DLGAP2: variants seen among roughly 807,000 people sequenced by gnomAD.
DLGAP2 encodes DLG associated protein 2, also known as disks large-associated protein 2.
In DLGAP2, 26 loss-of-function variants were observed where a neutral mutation model predicts 100.3. The ratio of observed to expected loss-of-function variants is 0.26; its 90% CI spans 0.19 to 0.36. The LOEUF is 0.36. DLGAP2 is among the 10% of genes least tolerant of loss of function. The pLI, the probability that DLGAP2 is intolerant of heterozygous loss-of-function variation, is 1.00. For missense variants in DLGAP2, 1,858 were observed against 1,453.2 expected (o/e 1.28, Z -4.53); for synonymous variants, 886 against 630.1 (o/e 1.41, Z -6.08).
chr8:1,458,014 A>ATAT (rs1491407935), intron 3 of DLGAP2, among the ~76,000 whole-genome samples: 6 of 113,618 alleles, frequency 5.3e-5, no homozygotes, highest in South Asian at 2.9e-4. Flanking sequence ...ATATATATAT[A>ATAT]ATTTTTTATA....
rs182992925 is a variant in DLGAP2 at position 1,514,424 on chromosome 8, T to C, written c.172+12993T>C. 4.6e-5 allele frequency among the ~76,000 whole-genome samples: 7 copies of C among 152,368 alleles called. No homozygotes were observed. In the East Asian group the frequency reaches 9.6e-4, roughly 21 times the overall value. The stretch of plus-strand genomic sequence containing the variant: ...ACGTTTTAAGCTCCACTTTTAAAAC[T>C]TAATGAAATTGTATAAAATTCAGCT... On this transcript the variant is annotated intron_variant, in intron 4 of 14. Coordinates refer to ENST00000637795, the MANE Select transcript of DLGAP2 (RefSeq NM_001346810.2).
At chr8:1,386,668 G>A (rs1029148761) in intron 3 of DLGAP2, among the ~76,000 whole-genome samples, 4 of 152,166 alleles carry the variant, frequency 2.6e-5, no homozygotes, top group African/African-American at 7.2e-5. Flanking sequence ...CCTGGACAGA[G>A]GAAGGTGCGG....
At chr8:1,026,827 C>T (rs933805662) in intron 2 of DLGAP2, among the ~76,000 whole-genome samples, 7 of 152,286 alleles carry the variant, frequency 4.6e-5, no homozygotes, top group Admixed American at 2.0e-4. Flanking sequence ...ATGAGATTAA[C>T]GACTTATATG....
chr8:958,440 G>A (rs1799645274), intron 2 of DLGAP2, among the ~76,000 whole-genome samples: 1 of 152,114 alleles, frequency 6.6e-6, no homozygotes, highest in Admixed American at 6.5e-5. Flanking sequence ...GAATTGCAGG[G>A]TCATATGGTG....
intron 3 of DLGAP2, among the ~76,000 whole-genome samples, chr8:1,264,453 TG>T (rs1799412351): frequency 6.6e-6 from 1 of 152,130 alleles, no homozygotes; most frequent in Non-Finnish European, 1.5e-5. Flanking sequence ...TCCAGGGCCA[TG>T]GATAGGATAT....
chr8:989,407 A>G (rs1000329086), intron 2 of DLGAP2, among the ~76,000 whole-genome samples: 2 of 152,094 alleles, frequency 1.3e-5, no homozygotes, highest in Admixed American at 6.6e-5. Flanking sequence ...CTTGCACCTG[A>G]ATCGGCCGCA....
chr8:1,129,102 T>A (rs1796233098), intron 2 of DLGAP2, among the ~76,000 whole-genome samples: 1 of 152,208 alleles, frequency 6.6e-6, no homozygotes, highest in South Asian at 2.1e-4. Flanking sequence ...GACATTGGAA[T>A]CACATTTTAA....
intron 1 of DLGAP2, among the ~76,000 whole-genome samples, chr8:900,424 C>T (rs1002479839): frequency 7.9e-5 from 12 of 152,242 alleles, no homozygotes; most frequent in Admixed American, 2.6e-4. Context: ...CCTGGAGCTC[C>T]GAGGCCCACA....
chr8:1,668,213 G>A (rs1036478963), intron 8 of DLGAP2, 116 bp from the exon 9 acceptor site: 1 of 931,630 alleles, frequency 1.1e-6, no homozygotes, highest in Non-Finnish European at 1.6e-6. Flanking sequence ...TTTTAGGCTA[G>A]ACGTCCAGGA....
intron 2 of DLGAP2, among the ~76,000 whole-genome samples, chr8:1,229,402 C>T (rs1018614044): frequency 6.6e-6 from 1 of 151,966 alleles, no homozygotes; most frequent in Non-Finnish European, 1.5e-5. Flanking sequence ...AGTTTTGGAA[C>T]TTGATAATGA....
chr8:1,013,661 C>T (rs1348791243), intron 2 of DLGAP2, among the ~76,000 whole-genome samples: 2 of 116,998 alleles, frequency 1.7e-5, no homozygotes, highest in Admixed American at 8.2e-5. Context: ...CCAGGACAGA[C>T]GCCTCCACTG....
intron 3 of DLGAP2, among the ~76,000 whole-genome samples, chr8:1,382,369 C>G (rs368797289): frequency 2.6e-5 from 4 of 152,162 alleles, no homozygotes; most frequent in Non-Finnish European, 4.4e-5. Flanking sequence ...GAAGAAGATC[C>G]CCGTGTGAGT....
chr8:1,073,682 G>T (rs1390458519), intron 2 of DLGAP2, among the ~76,000 whole-genome samples: 1 of 152,246 alleles, frequency 6.6e-6, no homozygotes, highest in Non-Finnish European at 1.5e-5. Flanking sequence ...GCATTTTGTA[G>T]ATGGCCTGGA....
intron 3 of DLGAP2, chr8:1,381,336 G>A (rs936426369): frequency 3.9e-5 from 6 of 152,170 alleles, no homozygotes; most frequent in Non-Finnish European, 8.8e-5. Context: ...GAAAAAATGG[G>A]CCGTTACGGT....
chr8:1,025,389 A>G (rs1450390390), intron 2 of DLGAP2, among the ~76,000 whole-genome samples: 1 of 152,214 alleles, frequency 6.6e-6, no homozygotes, highest in Non-Finnish European at 1.5e-5. Flanking sequence ...TGAGCCCGGC[A>G]TTGGGATGAC....
At position 1,227,840 on chromosome 8, in the gene DLGAP2, T is replaced by A. The variant is rs371626974; in HGVS notation, c.74-31011T>A. ...GAGATCTATCATACAACAGGAGAATTATAGCTAATAAAATTGAACTGTATT... is the reference window on the plus strand; with the variant it reads ...GAGATCTATCATACAACAGGAGAATAATAGCTAATAAAATTGAACTGTATT... On this transcript the variant is annotated intron_variant, in intron 2 of 14. Coordinates refer to ENST00000637795, the MANE Select transcript of DLGAP2 (RefSeq NM_001346810.2). Among the ~76,000 whole-genome samples the A allele has an allele frequency of 9.2e-5, 14 of 152,292 alleles. No homozygotes were observed. The East Asian group carries it at 1.5e-3, about 17-fold the overall frequency.
At chr8:1,169,816 T>C (rs1159218132) in intron 2 of DLGAP2, among the ~76,000 whole-genome samples, 1 of 151,940 alleles carries the variant, frequency 6.6e-6, no homozygotes, top group African/African-American at 2.4e-5. Context: ...TATACAATCA[T>C]GTCATCTGCA....
rs56168507 is a variant in DLGAP2, at chr8:1,315,344, G to A, written c.106+56461G>A. 1.9e-3 allele frequency among the ~76,000 whole-genome samples: 260 copies of A among 135,018 alleles called. 3 individuals carry two copies. The highest frequency in any genetic ancestry group is 6.7e-3 in the African/African-American group (240 of 35,650). The allele number at this position is 135,018 out of a possible 152,430, so 88.6% of individuals were successfully genotyped here. ...GTCTACACTCGAGAAACTCGGCAGC[G>A]TTTAAAAATAGAGCCTATGCGAGTG... is the stretch of plus-strand genomic sequence containing the variant. On this transcript the variant is annotated intron_variant, in intron 3 of 14. Transcript: ENST00000637795.
intron 1 of DLGAP2, among the ~76,000 whole-genome samples, chr8:787,286 A>G (rs1043328212): frequency 6.6e-6 from 1 of 152,098 alleles, no homozygotes; most frequent in African/African-American, 2.4e-5. Flanking sequence ...CTGTTCTCTC[A>G]CATTTGCCTG....
Sources: gnomAD v4.1 joint callset for allele counts (sites outside exome capture counted in the v4.1 genomes callset) on GRCh38, gnomAD v4.1.1 for gene constraint, MANE v1.5 for transcripts, NCBI Gene and HGNC (gene_info 2026-07-23, HGNC 2026-07-21) for gene names.